TTC27: variants seen among roughly 807,000 people sequenced by gnomAD.
TTC27 encodes the protein tetratricopeptide repeat protein 27.
A neutral mutation model predicts 115.9 loss-of-function variants in TTC27; 79 were observed. That is an observed-to-expected ratio of 0.68 (90% CI 0.57 to 0.82). The LOEUF (loss-of-function observed/expected upper bound fraction) is 0.82, where lower values mean the gene tolerates loss of function less well. Ranked by LOEUF, TTC27 falls within the 40% of genes least tolerant of loss-of-function variation. TTC27 has a pLI of 0.00. For missense variants in TTC27, 1,054 were observed against 993.1 expected, an observed-to-expected ratio of 1.06 and a Z score of -0.82; for synonymous variants, 401 against 356.0, an observed-to-expected ratio of 1.13 and a Z score of -1.42.
chr2:32,780,449 TA>T, intron 14 of TTC27, among the ~76,000 whole-genome samples: 1 of 152,310 alleles, frequency 6.6e-6, no homozygotes, highest in Middle Eastern at 3.4e-3. Context: ...TTTTATTTTT[TA>T]TTTTTTTGAG....
chr2:32,774,213 A>AT (rs1283482029), intron 13 of TTC27, among the ~76,000 whole-genome samples: 5 of 139,238 alleles, frequency 3.6e-5, no homozygotes, highest in Non-Finnish European at 7.7e-5. Context: ...ACAGAGTCTC[A>AT]TTTTTTAGCC....
chr2:32,795,537 T>TATTG (rs1407021148), intron 16 of TTC27, among the ~76,000 whole-genome samples: 1 of 135,104 alleles, frequency 7.4e-6, no homozygotes, highest in Non-Finnish European at 1.6e-5. Flanking sequence ...TTTTCTTATT[T>TATTG]ATTTATTTAT....
At chr2:32,670,388 C>T (rs1665969142) in intron 7 of TTC27, among the ~76,000 whole-genome samples, 1 of 152,128 alleles carries the variant, frequency 6.6e-6, no homozygotes. Context: ...TCTTTGCAGT[C>T]AGTCAGTTGC....
chr2:32,661,531 A>G (rs1279000821), intron 5 of TTC27, among the ~76,000 whole-genome samples: 4 of 151,972 alleles, frequency 2.6e-5, no homozygotes, highest in Non-Finnish European at 5.9e-5. Flanking sequence ...CTTTGTAGCA[A>G]TTTTGAATGG....
intron 13 of TTC27, among the ~76,000 whole-genome samples, chr2:32,761,631 C>T (rs564108468): frequency 1.6e-4 from 25 of 152,238 alleles, no homozygotes; most frequent in African/African-American, 6.0e-4. Context: ...TGCTCTTTCT[C>T]TGCCTGGAAT....
rs140426568 is a variant in TTC27 at position 32,683,768 on chromosome 2, G to A, written c.1119+4846G>A. Among the ~76,000 whole-genome samples, 870 of 152,228 alleles carry A rather than the reference G, an allele frequency of 5.7e-3. 8 individuals carry two copies. Among genetic ancestry groups the A allele is most frequent in the Non-Finnish European group, 7.4e-3 (503 of 68,034 alleles). On this transcript the variant is annotated intron_variant, in intron 9 of 19. Coordinates refer to ENST00000317907, the MANE Select transcript of TTC27 (RefSeq NM_017735.5). ...CATTATTTCCCTTCAGATGAGCCAC[G>A]TCATGACATTTAGTAATGTTTTTAA... is the stretch of plus-strand genomic sequence containing the variant.
intron 5 of TTC27, among the ~76,000 whole-genome samples, chr2:32,661,783 G>A (rs1665558001): frequency 6.6e-6 from 1 of 152,078 alleles, no homozygotes; most frequent in Non-Finnish European, 1.5e-5. Context: ...TGATTGCCCT[G>A]GCCAGTACTT....
chr2:32,711,116 C>CAA (rs34140897), intron 10 of TTC27, among the ~76,000 whole-genome samples: 2,155 of 59,124 alleles, frequency 0.036, 105 homozygotes, highest in Middle Eastern at 0.077. Context: ...GACTCTGTCT[C>CAA]AAAAAAAAAA....
At chr2:32,681,848 A>G (rs1666435869) in intron 9 of TTC27, among the ~76,000 whole-genome samples, 1 of 152,078 alleles carries the variant, frequency 6.6e-6, no homozygotes, top group Non-Finnish European at 1.5e-5. Context: ...GAGCATTTGT[A>G]TCTGAGACAA....
intron 16 of TTC27, among the ~76,000 whole-genome samples, chr2:32,795,884 G>T (rs952712080): frequency 1.3e-5 from 2 of 151,912 alleles, no homozygotes; most frequent in Non-Finnish European, 2.9e-5. Context: ...CAGCCTGAAA[G>T]CTTCTTTTCT....
chr2:32,675,221 T>G (rs1343712770), intron 8 of TTC27, among the ~76,000 whole-genome samples: 1 of 152,214 alleles, frequency 6.6e-6, no homozygotes, highest in Non-Finnish European at 1.5e-5. Context: ...AATTAGGATG[T>G]GAATCTAAGT....
At chr2:32,814,636 C>T (rs1022132622) in intron 18 of TTC27, among the ~76,000 whole-genome samples, 4 of 152,136 alleles carry the variant, frequency 2.6e-5, no homozygotes, top group Non-Finnish European at 4.4e-5. Flanking sequence ...TGACAGTGGC[C>T]CCATAATATT....
intron 4 of TTC27, among the ~76,000 whole-genome samples, chr2:32,641,844 A>G (rs1664661696): frequency 6.9e-6 from 1 of 143,934 alleles, no homozygotes; most frequent in Non-Finnish European, 1.5e-5. Context: ...ATGTCTGGCT[A>G]ATTTTGTATT....
At chr2:32,812,867 T>C (rs757646525) in intron 18 of TTC27, among the ~76,000 whole-genome samples, 1 of 152,238 alleles carries the variant, frequency 6.6e-6, no homozygotes, top group Non-Finnish European at 1.5e-5. Context: ...GAAACTTTTT[T>C]AGAGATGTGA....
chr2:32,781,410 C>G (rs1291282314), intron 14 of TTC27, among the ~76,000 whole-genome samples: 1 of 151,926 alleles, frequency 6.6e-6, no homozygotes, highest in Non-Finnish European at 1.5e-5. Context: ...AATTTTCCTG[C>G]TTCTTCCCAT....
chr2:32,748,131 C>T (rs531381008), intron 12 of TTC27, among the ~76,000 whole-genome samples: 11 of 151,958 alleles, frequency 7.2e-5, no homozygotes, highest in East Asian at 3.9e-4. Context: ...TGCTACATCC[C>T]GTAAGTTTCA....
intron 10 of TTC27, among the ~76,000 whole-genome samples, chr2:32,728,552 A>G (rs1008285741): frequency 1.3e-5 from 2 of 152,220 alleles, no homozygotes; most frequent in Non-Finnish European, 1.5e-5. Context: ...ACAGTTAAAT[A>G]GAGTTCTCAG....
At chr2:32,741,012 T>G (rs1300413810) in intron 12 of TTC27, among the ~76,000 whole-genome samples, 1 of 152,192 alleles carries the variant, frequency 6.6e-6, no homozygotes, top group Non-Finnish European at 1.5e-5. Flanking sequence ...CTTCTTTTAC[T>G]CCCCTTCATA....
chr2:32,819,057 T>C (rs547969677), intron 19 of TTC27, among the ~76,000 whole-genome samples: 42 of 152,338 alleles, frequency 2.8e-4, no homozygotes, highest in African/African-American at 9.6e-4. Flanking sequence ...GGGAGCTTTG[T>C]TTCCTACTTT....
Sources: allele counts gnomAD v4.1 joint callset (sites outside exome capture counted in the v4.1 genomes callset), GRCh38; gene constraint gnomAD v4.1.1; transcripts MANE v1.5; gene names NCBI Gene and HGNC (gene_info 2026-07-23, HGNC 2026-07-21).